The following RBFOX1 variants were observed in gnomAD, a reference collection of about 807,000 sequenced individuals.
RBFOX1 encodes RNA binding fox-1 homolog 1.
In RBFOX1, 8 loss-of-function variants were observed where a neutral mutation model predicts 57.7. That is an observed-to-expected ratio of 0.14 (90% CI 0.08 to 0.25). The LOEUF (loss-of-function observed/expected upper bound fraction) is 0.25. Ranked by LOEUF, RBFOX1 falls within the 10% of genes least tolerant of loss-of-function variation. The probability of loss-of-function intolerance (pLI) is 1.00; values close to 1 mark genes in which losing one functional copy is unlikely to be tolerated. For synonymous variants in RBFOX1, 326 were observed against 222.4 expected, an observed-to-expected ratio of 1.47 and a Z score of -4.15; for missense variants, 611 against 548.5, an observed-to-expected ratio of 1.11 and a Z score of -1.14.
At chr16:6,159,470 G>C (rs1192896687) in intron 1 of RBFOX1, among the ~76,000 whole-genome samples, 1 of 152,154 alleles carries the variant, frequency 6.6e-6, no homozygotes, top group Non-Finnish European at 1.5e-5. Flanking sequence ...ATTCTTTGAG[G>C]ACATTTGTGT....
At chr16:7,233,187 G>T (rs867269153) in intron 4 of RBFOX1, among the ~76,000 whole-genome samples, 56 of 150,538 alleles carry the variant, frequency 3.7e-4, no homozygotes, top group African/African-American at 1.4e-3. Flanking sequence ...TGGAAGTCTG[G>T]CTCCTGCCAA....
chr16:7,239,751 T>G (rs1160124749), intron 4 of RBFOX1, among the ~76,000 whole-genome samples: 1 of 152,166 alleles, frequency 6.6e-6, no homozygotes, highest in Non-Finnish European at 1.5e-5. Context: ...TATTCATGTT[T>G]CTTTGAATCA....
At chr16:5,397,138 AGTGAAACCACAG>A (rs2066581897) in intron 1 of RBFOX1, among the ~76,000 whole-genome samples, 1 of 152,242 alleles carries the variant, frequency 6.6e-6, no homozygotes, top group Non-Finnish European at 1.5e-5. Context: ...GCAAGAGCAA[AGTGAAACCACAG>A]GTGTCTGGTC....
At chr16:7,693,899 T>G (rs2077983546) in intron 14 of RBFOX1, among the ~76,000 whole-genome samples, 1 of 152,226 alleles carries the variant, frequency 6.6e-6, no homozygotes, top group African/African-American at 2.4e-5. Context: ...CTCTATTTCC[T>G]TTCTTATAAA....
chr16:6,300,161 G>C (rs1381102731), intron 1 of RBFOX1, among the ~76,000 whole-genome samples: 1 of 152,222 alleles, frequency 6.6e-6, no homozygotes. Flanking sequence ...GAAACAGAGA[G>C]TAGAATGGTG....
chr16:6,744,407 A>G (rs571177178), intron 3 of RBFOX1, among the ~76,000 whole-genome samples: 1 of 152,234 alleles, frequency 6.6e-6, no homozygotes, highest in Non-Finnish European at 1.5e-5. Context: ...ATTGTTTTCA[A>G]GTACATAAGG....
intron 4 of RBFOX1, among the ~76,000 whole-genome samples, chr16:6,002,348 G>C (rs1490884580): frequency 1.3e-5 from 2 of 152,186 alleles, no homozygotes; most frequent in African/African-American, 4.8e-5. Flanking sequence ...AGAACTGAGG[G>C]AGTGGTACAG....
Position 7,702,765 on chromosome 16 carries a change from T to C in RBFOX1, c.996-6291T>C, listed in dbSNP as rs532906166. On this transcript the variant is annotated intron_variant, in intron 14 of 15. Transcript: ENST00000550418. ...GAATGTATGTTCCAGATGCAGTTCCTCCGGATGGGCAAAAGCAACAACTCA... is the reference window on the plus strand; with the variant it reads ...GAATGTATGTTCCAGATGCAGTTCCCCCGGATGGGCAAAAGCAACAACTCA... Among the ~76,000 whole-genome samples the C allele has an allele frequency of 2.6e-3, 391 of 152,292 alleles. 9 individuals are homozygous for C. Among genetic ancestry groups the C allele is most frequent in the Admixed American group, 0.022 (343 of 15,300 alleles).
chr16:7,567,599 ATATATCCCTTTATATGGCCC>A (rs1464658025), intron 5 of RBFOX1, among the ~76,000 whole-genome samples: 3 of 22,742 alleles, frequency 1.3e-4, no homozygotes, highest in African/African-American at 2.9e-4. Context: ...GGCCCTATAT[ATATATCCCTTTATATGGCCC>A]TATATATATA....
chr16:6,153,631 G>C (rs1318079268), intron 1 of RBFOX1, among the ~76,000 whole-genome samples: 2 of 152,082 alleles, frequency 1.3e-5, no homozygotes, highest in Non-Finnish European at 2.9e-5. Flanking sequence ...TGCCTCCCGG[G>C]TTCAAGTGAT....
At chr16:5,293,890 G>A (rs1236122277) in intron 1 of RBFOX1, among the ~76,000 whole-genome samples, 4 of 152,188 alleles carry the variant, frequency 2.6e-5, no homozygotes, top group African/African-American at 9.6e-5. Flanking sequence ...ATACTGAAGT[G>A]TATGCTTTCA....
intron 3 of RBFOX1, among the ~76,000 whole-genome samples, chr16:6,867,345 C>T (rs113742284): frequency 2.0e-5 from 3 of 151,936 alleles, no homozygotes; most frequent in African/African-American, 4.8e-5. Context: ...CAAGGAATAA[C>T]CTCTCTTGGG....
chr16:6,757,267 A>C (rs945764282), intron 3 of RBFOX1, among the ~76,000 whole-genome samples: 1 of 152,164 alleles, frequency 6.6e-6, no homozygotes. Context: ...AAATAGAACT[A>C]CCATAAAATC....
intron 4 of RBFOX1, among the ~76,000 whole-genome samples, chr16:7,079,350 C>T (rs1209140674): frequency 6.6e-6 from 1 of 152,030 alleles, no homozygotes; most frequent in African/African-American, 2.4e-5. Flanking sequence ...AGAAGGGGAG[C>T]AGAGGAAAGG....
At chr16:7,666,345 A>G (rs1298868357) in intron 13 of RBFOX1, among the ~76,000 whole-genome samples, 1 of 151,814 alleles carries the variant, frequency 6.6e-6, no homozygotes, top group Non-Finnish European at 1.5e-5. Context: ...GGTTTTTTAA[A>G]AAATCCACCA....
At chr16:7,594,754 C>A (rs2094604041) in intron 7 of RBFOX1, among the ~76,000 whole-genome samples, 1 of 152,302 alleles carries the variant, frequency 6.6e-6, no homozygotes, top group East Asian at 1.9e-4. Context: ...AATGCCAGAA[C>A]TTTACAATAT....
chr16:6,958,799 G>C (rs962974793), intron 3 of RBFOX1, among the ~76,000 whole-genome samples: 3 of 152,148 alleles, frequency 2.0e-5, no homozygotes, highest in Non-Finnish European at 4.4e-5. Context: ...GCGTGAATTG[G>C]AAATCGTGTC....
intron 4 of RBFOX1, among the ~76,000 whole-genome samples, chr16:7,211,008 T>G (rs896331225): frequency 4.0e-5 from 6 of 151,192 alleles, no homozygotes; most frequent in Non-Finnish European, 8.8e-5. Context: ...CTTGACTACA[T>G]AATCACTTCA....
intron 3 of RBFOX1, among the ~76,000 whole-genome samples, chr16:5,828,750 T>C (rs1005187445): frequency 6.6e-6 from 1 of 152,076 alleles, no homozygotes; most frequent in Non-Finnish European, 1.5e-5. Flanking sequence ...GTGGAGGATT[T>C]CAGCAGAGGG....
Sources: allele counts gnomAD v4.1 joint callset (sites outside exome capture counted in the v4.1 genomes callset), GRCh38; gene constraint gnomAD v4.1.1; transcripts MANE v1.5; gene names NCBI Gene and HGNC (gene_info 2026-07-23, HGNC 2026-07-21).